Variants in SHLD1 observed in about 807,000 individuals in gnomAD.
SHLD1 encodes the protein shieldin complex subunit 1, also known as RINN1-REV7-interacting novel NHEJ regulator 3.
SHLD1 carries 3 observed loss-of-function variants against 5.5 expected under a neutral mutation model. That is an observed-to-expected ratio of 0.54 (90% CI 0.25 to 1.40). SHLD1 has a LOEUF of 1.40. Ranked by LOEUF, SHLD1 falls within the 40% of genes most tolerant of loss-of-function variation. SHLD1 has a pLI of 0.15. For synonymous variants in SHLD1, 92 were observed against 94.3 expected, an observed-to-expected ratio of 0.98 and a Z score of 0.14; for missense variants, 210 against 244.4, an observed-to-expected ratio of 0.86 and a Z score of 0.94.
Position 5,777,362 on chromosome 20 carries a change from CA to C in SHLD1, c.178+4322del, listed in dbSNP as rs202131609. ...CATTCCCATTTAATAAGTGAGGAAACAAACTTGGAAAAGTTAGGAAACTTTC... is the reference window on the plus strand; with the variant it reads ...CATTCCCATTTAATAAGTGAGGAAACAACTTGGAAAAGTTAGGAAACTTTC... On this transcript the variant is annotated intron_variant, in intron 2 of 2. Coordinates refer to ENST00000303142, the MANE Select transcript of SHLD1 (RefSeq NM_152504.4). 6.8e-4 allele frequency among the ~76,000 whole-genome samples: 103 copies of C among 152,226 alleles called. 1 individual carries two copies. In the East Asian group the frequency reaches 0.015, roughly 22 times the overall value.
intron 2 of SHLD1, among the ~76,000 whole-genome samples, chr20:5,800,847 G>A (rs1050033786): frequency 1.5e-4 from 6 of 40,146 alleles, no homozygotes; most frequent in African/African-American, 4.1e-4. Context: ...ATACCTGTGT[G>A]TGTGTGTGTG....
chr20:5,779,876 GTGAAC>G (rs993790877), intron 2 of SHLD1, among the ~76,000 whole-genome samples: 106 of 152,130 alleles, frequency 7.0e-4, no homozygotes, highest in African/African-American at 2.5e-3. Flanking sequence ...GGGTCTAAGG[GTGAAC>G]TTGGGACCTG....
rs2087272311 is a variant in SHLD1, at chr20:5,800,223, CA to C, written c.178+27183del. Reference sequence around the variant, plus strand: ...AGTTTCAAGGCTGCCTGAGCTACAGCAAAGATTCTTCCCACACTGTCTTGGA... The same window carrying C: ...AGTTTCAAGGCTGCCTGAGCTACAGCAAGATTCTTCCCACACTGTCTTGGA... On this transcript the variant is annotated intron_variant, in intron 2 of 2. Transcript: ENST00000303142. 2.6e-5 allele frequency among the ~76,000 whole-genome samples: 4 copies of C among 152,212 alleles called. No homozygotes were observed. The South Asian group carries it at 8.3e-4, about 32-fold the overall frequency.
intron 2 of SHLD1, among the ~76,000 whole-genome samples, chr20:5,800,984 G>C (rs1281730972): frequency 6.6e-6 from 1 of 151,816 alleles, no homozygotes; most frequent in Non-Finnish European, 1.5e-5. Flanking sequence ...CCAAATTGAA[G>C]TTGTTTAAAA....
At chr20:5,781,374 C>T (rs1218039219) in intron 2 of SHLD1, among the ~76,000 whole-genome samples, 5 of 152,040 alleles carry the variant, frequency 3.3e-5, no homozygotes, top group Non-Finnish European at 5.9e-5. Context: ...CTCTAGCCTG[C>T]GGGACAGAGT....
chr20:5,826,423 C>A (rs2087665727), intron 2 of SHLD1, among the ~76,000 whole-genome samples: 1 of 151,282 alleles, frequency 6.6e-6, no homozygotes, highest in Admixed American at 6.6e-5. Flanking sequence ...CATTCTGATA[C>A]CTGTACAAAA....
At chr20:5,777,537 A>G (rs866865036) in intron 2 of SHLD1, among the ~76,000 whole-genome samples, 17 of 151,866 alleles carry the variant, frequency 1.1e-4, no homozygotes, top group African/African-American at 4.1e-4. Context: ...TTCCCTTCTC[A>G]GCCTCTGAAG....
rs183801782 is a variant in SHLD1 at position 5,791,392 on chromosome 20, C to T, written c.178+18349C>T. 3.9e-3 allele frequency among the ~76,000 whole-genome samples: 586 copies of T among 151,796 alleles called. 4 individuals are homozygous for T. Among genetic ancestry groups the T allele is most frequent in the African/African-American group, 0.013 (548 of 41,390 alleles). ...CAGTCTGGGTAACATGGCGAAACCT[C>T]GTCTCTACAAAAAATACAAAAATTA... On this transcript the variant is annotated intron_variant, in intron 2 of 2. Coordinates refer to ENST00000303142, the MANE Select transcript of SHLD1 (RefSeq NM_152504.4).
At chr20:5,758,146 G>A (rs952214447) in intron 1 of SHLD1, among the ~76,000 whole-genome samples, 19 of 151,592 alleles carry the variant, frequency 1.3e-4, no homozygotes, top group African/African-American at 3.4e-4. Flanking sequence ...TCTGCTGGAA[G>A]GAAGGACAAG....
chr20:5,777,021 A>C (rs988809333), intron 2 of SHLD1, among the ~76,000 whole-genome samples: 2 of 151,366 alleles, frequency 1.3e-5, no homozygotes, highest in African/African-American at 2.4e-5. Context: ...ACAGAGTCTC[A>C]CTCTGTTGCC....
intron 1 of SHLD1, 21 bp downstream of exon 1, chr20:5,750,500 G>GGGC (rs1371229111): frequency 8.2e-5 from 12 of 146,528 alleles, no homozygotes; most frequent in African/African-American, 2.3e-4. Context: ...GATGGGATGG[G>GGGC]GGGGGGTTGG....
intron 2 of SHLD1, among the ~76,000 whole-genome samples, chr20:5,810,473 A>G (rs2087443508): frequency 6.6e-6 from 1 of 152,062 alleles, no homozygotes; most frequent in Non-Finnish European, 1.5e-5. Context: ...AGTTGCCTAG[A>G]GTCTTTCTAA....
intron 2 of SHLD1, among the ~76,000 whole-genome samples, chr20:5,821,361 A>T (rs2087603715): frequency 1.3e-5 from 2 of 152,042 alleles, no homozygotes; most frequent in Non-Finnish European, 2.9e-5. Context: ...AAAAATACAA[A>T]AATCAGCCGG....
At chr20:5,755,055 CAAAAAAAA>C (rs61439374) in intron 1 of SHLD1, among the ~76,000 whole-genome samples, 1 of 134,340 alleles carries the variant, frequency 7.4e-6, no homozygotes, top group Non-Finnish European at 1.6e-5. Flanking sequence ...GACCCTGTCT[CAAAAAAAA>C]AAAAAGAAAA....
intron 2 of SHLD1, among the ~76,000 whole-genome samples, chr20:5,845,624 T>C (rs1434760516): frequency 6.6e-6 from 1 of 152,248 alleles, no homozygotes; most frequent in African/African-American, 2.4e-5. Flanking sequence ...AACCAGCATG[T>C]GTAACATAAG....
chr20:5,764,193 T>TTA (rs369664648), intron 1 of SHLD1, among the ~76,000 whole-genome samples: 9 of 74,986 alleles, frequency 1.2e-4, no homozygotes, highest in South Asian at 4.5e-4. Context: ...TATATATATT[T>TTA]TATATATATA....
intron 2 of SHLD1, among the ~76,000 whole-genome samples, chr20:5,795,922 G>A (rs549197712): frequency 2.0e-5 from 3 of 151,934 alleles, no homozygotes; most frequent in South Asian, 4.2e-4. Flanking sequence ...AACCCGGGAG[G>A]CAGAGCTTGC....
At position 5,855,972 on chromosome 20, in the gene SHLD1, T is replaced by C. The variant is rs779922409; in HGVS notation, c.179-7052T>C. Among the ~76,000 whole-genome samples the C allele has an allele frequency of 1.4e-4, 21 of 152,198 alleles. No individual in the cohort carries two copies. Among genetic ancestry groups the C allele is most frequent in the Non-Finnish European group, 2.6e-4 (18 of 68,024 alleles). Reference sequence around the variant, plus strand: ...ACTCTTTTTCCTCTGCTATAGTCACTAGGCAATGTTGAGATAGTAGCTGCT... The same window carrying C: ...ACTCTTTTTCCTCTGCTATAGTCACCAGGCAATGTTGAGATAGTAGCTGCT... On this transcript the variant is annotated intron_variant, in intron 2 of 2. Coordinates refer to ENST00000303142, the MANE Select transcript of SHLD1 (RefSeq NM_152504.4). This position sits in a 1 kb window ranked among gnomAD's most constrained non-coding sequence, Gnocchi z 4.4.
At chr20:5,830,394 A>G (rs2087713981) in intron 2 of SHLD1, among the ~76,000 whole-genome samples, 1 of 152,210 alleles carries the variant, frequency 6.6e-6, no homozygotes, top group African/African-American at 2.4e-5. Flanking sequence ...AGACAAAGCA[A>G]TGTGGCCAGA....
Sources: gnomAD v4.1 joint callset for allele counts (sites outside exome capture counted in the v4.1 genomes callset) on GRCh38, gnomAD v4.1.1 for gene constraint, Gnocchi (gnomAD v3.1) non-coding constraint, MANE v1.5 for transcripts, NCBI Gene and HGNC (gene_info 2026-07-23, HGNC 2026-07-21) for gene names.